Variants in RAD51B observed in about 807,000 individuals in gnomAD.
The protein encoded by RAD51B is DNA repair protein RAD51 homolog 2.
In RAD51B, 38 loss-of-function variants were observed where a neutral mutation model predicts 42.2. The observed-to-expected ratio is 0.90, with a 90% CI of 0.70 to 1.18. The LOEUF (loss-of-function observed/expected upper bound fraction) is 1.18, where lower values mean the gene tolerates loss of function less well. RAD51B is among the 50% of genes most tolerant of loss of function. RAD51B has a pLI of 0.00. For synonymous variants in RAD51B, 154 were observed against 145.2 expected (o/e 1.06, Z -0.43); for missense variants, 373 against 400.7 (o/e 0.93, Z 0.59).
intron 10 of RAD51B, among the ~76,000 whole-genome samples, chr14:68,534,345 G>A (rs1190983454): frequency 1.3e-5 from 2 of 152,186 alleles, no homozygotes; most frequent in Non-Finnish European, 2.9e-5. Context: ...GTATGCTCAA[G>A]TGTTTAATAA....
intron 10 of RAD51B, among the ~76,000 whole-genome samples, chr14:68,603,786 G>T (rs546497603): frequency 1.3e-5 from 2 of 152,340 alleles, no homozygotes; most frequent in Admixed American, 6.5e-5. Context: ...GCCGCGTCTC[G>T]CCTTGGGCCG....
chr14:68,332,477 G>A (rs1409097628), intron 8 of RAD51B, among the ~76,000 whole-genome samples: 1 of 152,128 alleles, frequency 6.6e-6, no homozygotes, highest in African/African-American at 2.4e-5. Context: ...TCATAGTATT[G>A]TTTTCTTTCT....
intron 7 of RAD51B, among the ~76,000 whole-genome samples, chr14:67,952,515 A>C (rs2074472873): frequency 6.6e-6 from 1 of 152,188 alleles, no homozygotes; most frequent in African/African-American, 2.4e-5. Flanking sequence ...CTGTGGTCTA[A>C]ACTTATTCCT....
At chr14:68,361,077 T>C (rs2083014722) in intron 8 of RAD51B, among the ~76,000 whole-genome samples, 2 of 152,174 alleles carry the variant, frequency 1.3e-5, no homozygotes, top group African/African-American at 4.8e-5. Flanking sequence ...ATGACCTGTC[T>C]TGAGGAAGAG....
chr14:68,459,735 C>A (rs1312856289), intron 9 of RAD51B, among the ~76,000 whole-genome samples: 2 of 152,226 alleles, frequency 1.3e-5, no homozygotes, highest in East Asian at 3.8e-4. Flanking sequence ...TCTTGCTGAA[C>A]TTCTCTTTGC....
At chr14:67,902,389 C>T (rs2043641547) in intron 7 of RAD51B, among the ~76,000 whole-genome samples, 1 of 152,068 alleles carries the variant, frequency 6.6e-6, no homozygotes, top group East Asian at 1.9e-4. Context: ...GTTCCATAAC[C>T]AGCTAAATCT....
chr14:68,055,154 T>A (rs1301054342), intron 7 of RAD51B, among the ~76,000 whole-genome samples: 3 of 152,198 alleles, frequency 2.0e-5, no homozygotes, highest in African/African-American at 7.2e-5. Flanking sequence ...ATGTAATCAT[T>A]TGGGCTTTAG....
chr14:67,979,660 A>G (rs548709173), intron 7 of RAD51B, among the ~76,000 whole-genome samples: 7 of 152,196 alleles, frequency 4.6e-5, no homozygotes, highest in African/African-American at 1.7e-4. Context: ...CCATTTTTCA[A>G]CAGTACTTTT....
rs550482896 is a variant in RAD51B at position 68,432,140 on chromosome 14, T to C, written c.957+20613T>C. Among the ~76,000 whole-genome samples the C allele has an allele frequency of 1.1e-4, 16 of 152,364 alleles. 1 individual carries two copies. The South Asian group carries it at 3.3e-3, about 32-fold the overall frequency. The stretch of plus-strand genomic sequence containing the variant: ...ACAGTTTGTTATAATTTCTGTTCTT[T>C]TACATTTACTGAGAAGTGCTTTACT... On this transcript the variant is annotated intron_variant, in intron 9 of 10. Coordinates refer to ENST00000471583, the MANE Select transcript of RAD51B (RefSeq NM_133510.4).
chr14:68,223,380 A>G (rs898680728), intron 7 of RAD51B, among the ~76,000 whole-genome samples: 9 of 152,224 alleles, frequency 5.9e-5, no homozygotes, highest in African/African-American at 2.2e-4. Flanking sequence ...CTGTTGAGAA[A>G]CACACATAAA....
Position 68,594,867 on chromosome 14 carries a change from G to A in RAD51B, c.*264G>A, listed in dbSNP as rs990606374. 42 of 1,150,696 alleles carry A rather than the reference G, an allele frequency of 3.6e-5. No individual in the cohort carries two copies. The East Asian group carries it at 7.6e-4, about 21-fold the overall frequency. The allele number at this position is 1,150,696 out of a possible 1,614,324, so 71.3% of individuals were successfully genotyped here. ...CCAGACCAAATGTCCCAGGCACACA[G>A]CCCATGCCCTCCACCATGGAGTACA... On this transcript the variant is annotated 3_prime_UTR_variant, in exon 11 of 11. Transcript: ENST00000487270.
intron 7 of RAD51B, among the ~76,000 whole-genome samples, chr14:68,177,040 T>G (rs1566706454): frequency 6.6e-6 from 1 of 152,164 alleles, no homozygotes; most frequent in East Asian, 1.9e-4. Flanking sequence ...GGAGTCCTTT[T>G]CTCTAGAGTG....
chr14:68,348,356 C>T (rs1346173241), intron 8 of RAD51B, among the ~76,000 whole-genome samples: 1 of 152,136 alleles, frequency 6.6e-6, no homozygotes, highest in Non-Finnish European at 1.5e-5. Context: ...ATATTGCAAG[C>T]TGGTGCCCTC....
At chr14:67,976,750 A>G (rs112913608) in intron 7 of RAD51B, among the ~76,000 whole-genome samples, 446 of 152,326 alleles carry the variant, frequency 2.9e-3, no homozygotes, top group Non-Finnish European at 5.5e-3. Flanking sequence ...CTGCACAGCA[A>G]AAGAAACTAC....
chr14:67,874,470 A>G (rs980832840), intron 5 of RAD51B, among the ~76,000 whole-genome samples: 2 of 151,488 alleles, frequency 1.3e-5, no homozygotes, highest in Non-Finnish European at 2.9e-5. Flanking sequence ...AGTGTATTTT[A>G]TATGTGGCCC....
At chr14:68,344,088 G>A (rs2139845674) in intron 8 of RAD51B, among the ~76,000 whole-genome samples, 1 of 152,360 alleles carries the variant, frequency 6.6e-6, no homozygotes, top group South Asian at 2.1e-4. Flanking sequence ...GAAATGTGGA[G>A]TTGAAGCCCC....
chr14:68,550,360 T>C (rs1243120270), intron 10 of RAD51B, among the ~76,000 whole-genome samples: 1 of 152,246 alleles, frequency 6.6e-6, no homozygotes, highest in African/African-American at 2.4e-5. Context: ...GAATCTTTCA[T>C]GCTAAAGATG....
rs78957511 is a variant in RAD51B at position 68,235,412 on chromosome 14, C to T, written c.757-56472C>T. ...GTTTTGCTTTTTTTCCTCTTAAGAG[C>T]TGAGATCTTCGGCCGGGCGCGGTGG... On this transcript the variant is annotated intron_variant, in intron 7 of 10. Transcript: ENST00000471583. Among the ~76,000 whole-genome samples, 830 of 152,014 alleles carry T rather than the reference C, an allele frequency of 5.5e-3. 8 individuals are homozygous for T. Among genetic ancestry groups the T allele is most frequent in the African/African-American group, 0.019 (782 of 41,482 alleles).
chr14:68,112,530 T>A (rs1439152762), intron 7 of RAD51B, among the ~76,000 whole-genome samples: 4 of 152,156 alleles, frequency 2.6e-5, no homozygotes, highest in African/African-American at 4.8e-5. Flanking sequence ...TCTTTCAAAA[T>A]TCTTAGCAAA....
Sources: gnomAD v4.1 joint callset for allele counts (sites outside exome capture counted in the v4.1 genomes callset) on GRCh38, gnomAD v4.1.1 for gene constraint, MANE v1.5 for transcripts, NCBI Gene and HGNC (gene_info 2026-07-23, HGNC 2026-07-21) for gene names.